The following PTPRG variants were observed in gnomAD, a reference collection of about 807,000 sequenced individuals.
PTPRG encodes the protein protein tyrosine phosphatase receptor type G, also known as receptor-type tyrosine-protein phosphatase gamma.
PTPRG carries 102 observed loss-of-function variants against 165.3 expected under a neutral mutation model. That is an observed-to-expected ratio of 0.62 (90% CI 0.53 to 0.73). The LOEUF (loss-of-function observed/expected upper bound fraction) is 0.73. Ranked by LOEUF, PTPRG falls within the 30% of genes least tolerant of loss-of-function variation. The probability of loss-of-function intolerance (pLI) is 0.00; values close to 1 mark genes in which losing one functional copy is unlikely to be tolerated. For synonymous variants in PTPRG, 675 were observed against 669.5 expected (o/e 1.01, Z -0.13); for missense variants, 1,866 against 1,861.4 (o/e 1.00, Z -0.05).
intron 1 of PTPRG, among the ~76,000 whole-genome samples, chr3:61,748,117 G>T (rs181401457): frequency 1.2e-4 from 18 of 152,328 alleles, no homozygotes; most frequent in African/African-American, 4.3e-4. Flanking sequence ...TCACTAATCA[G>T]TGTTTCTTTT....
At chr3:62,122,393 G>C (rs1026726004) in intron 5 of PTPRG, among the ~76,000 whole-genome samples, 1 of 152,136 alleles carries the variant, frequency 6.6e-6, no homozygotes, top group African/African-American at 2.4e-5. Flanking sequence ...TTAGGAGAGT[G>C]AATTGATACT....
intron 4 of PTPRG, among the ~76,000 whole-genome samples, chr3:62,072,010 T>C (rs1701224103): frequency 6.6e-6 from 1 of 152,188 alleles, no homozygotes; most frequent in South Asian, 2.1e-4. Context: ...CAACTTAACA[T>C]GGACAGTGAC....
rs946202824 is a variant in PTPRG at position 61,844,490 on chromosome 3, C to T, written c.190+95508C>T. On this transcript the variant is annotated intron_variant, in intron 2 of 29. Transcript: ENST00000474889. Reference sequence around the variant, plus strand: ...TATCAGAAATTCAAATTTAAGTGGGCATCTGTTTTTGTTGTTGTTGTTACT... The same window carrying T: ...TATCAGAAATTCAAATTTAAGTGGGTATCTGTTTTTGTTGTTGTTGTTACT... 5.3e-5 allele frequency among the ~76,000 whole-genome samples: 8 copies of T among 151,980 alleles called. No individual in the cohort carries two copies. In the East Asian group the frequency reaches 1.4e-3, roughly 26 times the overall value.
At chr3:61,742,923 C>G in intron 1 of PTPRG, 2 of 1,472,116 alleles carry the variant, frequency 1.4e-6, no homozygotes, top group South Asian at 2.3e-5. Context: ...ACACACACAA[C>G]TTAGGGCGGG....
chr3:61,896,029 A>T (rs897456490), intron 2 of PTPRG, among the ~76,000 whole-genome samples: 2 of 152,166 alleles, frequency 1.3e-5, no homozygotes, highest in Non-Finnish European at 2.9e-5. Context: ...GATCTTCTTC[A>T]GATTTCCTGA....
intron 6 of PTPRG, 22 bp downstream of exon 6, chr3:62,132,690 C>T (rs1270354924): frequency 6.3e-7 from 1 of 1,581,006 alleles, no homozygotes; most frequent in Admixed American, 1.7e-5. Context: ...ACATACACTT[C>T]CTTTTGCTGG....
chr3:61,887,167 TA>T (rs2038073273), intron 2 of PTPRG, among the ~76,000 whole-genome samples: 3 of 137,270 alleles, frequency 2.2e-5, no homozygotes, highest in Admixed American at 7.3e-5. Context: ...TATATATATA[TA>T]TATTTTTAAT....
intron 1 of PTPRG, among the ~76,000 whole-genome samples, chr3:61,671,456 G>A (rs1702984375): frequency 6.6e-6 from 1 of 151,388 alleles, no homozygotes; most frequent in African/African-American, 2.4e-5. Context: ...AGGGTTGGGG[G>A]TAAGGTCACA....
chr3:61,683,993 C>T (rs1033801697), intron 1 of PTPRG, among the ~76,000 whole-genome samples: 1 of 152,266 alleles, frequency 6.6e-6, no homozygotes, highest in South Asian at 2.1e-4. Flanking sequence ...TCCATGGTAC[C>T]GTAGGGCAAG....
At chr3:61,565,959 A>T (rs927326663) in intron 1 of PTPRG, among the ~76,000 whole-genome samples, 3 of 151,912 alleles carry the variant, frequency 2.0e-5, no homozygotes, top group African/African-American at 7.3e-5. Flanking sequence ...CCTCTCCCTC[A>T]TGTATCATGT....
intron 1 of PTPRG, among the ~76,000 whole-genome samples, chr3:61,687,451 G>T (rs1703669399): frequency 6.6e-6 from 1 of 152,208 alleles, no homozygotes; most frequent in South Asian, 2.1e-4. Context: ...GGCCGTAAAT[G>T]GACTTTGGGG....
At chr3:62,103,292 CT>C (rs1702356732) in intron 5 of PTPRG, among the ~76,000 whole-genome samples, 1 of 115,252 alleles carries the variant, frequency 8.7e-6, no homozygotes, top group African/African-American at 3.7e-5. Flanking sequence ...AAGTGAAGGT[CT>C]TAATAAAATA....
At chr3:61,810,991 G>A (rs76870785) in intron 2 of PTPRG, among the ~76,000 whole-genome samples, 1 of 152,174 alleles carries the variant, frequency 6.6e-6, no homozygotes, top group African/African-American at 2.4e-5. Flanking sequence ...AGGAGGGCAG[G>A]TTAGGGTGAA....
chr3:62,243,559 A>T, intron 14 of PTPRG: 1 of 339,290 alleles, frequency 2.9e-6, no homozygotes, highest in Non-Finnish European at 5.3e-6. Context: ...GTAGTTAAAT[A>T]CTAAGCCTTT....
At chr3:61,959,639 G>A (rs2040106637) in intron 2 of PTPRG, among the ~76,000 whole-genome samples, 1 of 152,192 alleles carries the variant, frequency 6.6e-6, no homozygotes, top group Non-Finnish European at 1.5e-5. Flanking sequence ...GTATCTGCAT[G>A]CAACTGTGCC....
chr3:61,993,962 T>G (rs1420831336), intron 3 of PTPRG, among the ~76,000 whole-genome samples: 1 of 152,232 alleles, frequency 6.6e-6, no homozygotes, highest in Non-Finnish European at 1.5e-5. Flanking sequence ...GTGCTATATA[T>G]CCTATCCAGC....
chr3:62,260,339 G>A (rs1701658419), intron 16 of PTPRG, among the ~76,000 whole-genome samples: 2 of 152,072 alleles, frequency 1.3e-5, no homozygotes, highest in Non-Finnish European at 2.9e-5. Flanking sequence ...TTTTTGAATT[G>A]AGCCACAGTA....
chr3:61,879,688 C>T (rs552112058), intron 2 of PTPRG, among the ~76,000 whole-genome samples: 2 of 152,074 alleles, frequency 1.3e-5, no homozygotes, highest in East Asian at 1.9e-4. Context: ...GGTTTTAATT[C>T]TTCCTTTGCA....
intron 2 of PTPRG, among the ~76,000 whole-genome samples, chr3:61,833,455 G>T (rs114909641): frequency 6.6e-6 from 1 of 152,130 alleles, no homozygotes; most frequent in Non-Finnish European, 1.5e-5. Context: ...AGACCTAAGC[G>T]AGAGTCCCTG....
Sources: allele counts gnomAD v4.1 joint callset (sites outside exome capture counted in the v4.1 genomes callset), GRCh38; gene constraint gnomAD v4.1.1; transcripts MANE v1.5; gene names NCBI Gene and HGNC (gene_info 2026-07-23, HGNC 2026-07-21).